The following DENND4C variants were observed in gnomAD, a reference collection of about 807,000 sequenced individuals.
DENND4C encodes DENN domain containing 4C, also known as DENN domain-containing protein 4C.
DENND4C carries 108 observed loss-of-function variants against 203.0 expected under a neutral mutation model. That is an observed-to-expected ratio of 0.53 (90% confidence interval 0.46 to 0.62). DENND4C has a LOEUF of 0.62. Ranked by LOEUF, DENND4C falls within the 20% of genes least tolerant of loss-of-function variation. The pLI is 0.00. For missense variants in DENND4C, 2,481 were observed against 2,301.2 expected, an observed-to-expected ratio of 1.08 and a Z score of -1.60; for synonymous variants, 871 against 792.4, an observed-to-expected ratio of 1.10 and a Z score of -1.67.
intron 5 of DENND4C, among the ~76,000 whole-genome samples, chr9:19,293,443 G>A (rs1262178608): frequency 2.8e-5 from 4 of 143,862 alleles, no homozygotes; most frequent in African/African-American, 7.5e-5. Context: ...GTTGGGAGAA[G>A]GGGATGGGTT....
At chr9:19,289,695 G>A (rs1387418204) in intron 4 of DENND4C, among the ~76,000 whole-genome samples, 5 of 151,932 alleles carry the variant, frequency 3.3e-5, no homozygotes, top group Non-Finnish European at 7.4e-5. Flanking sequence ...CAGGCGTGGT[G>A]GCACGCATCT....
intron 1 of DENND4C, among the ~76,000 whole-genome samples, chr9:19,243,185 T>C (rs1397955492): frequency 6.6e-6 from 1 of 152,164 alleles, no homozygotes; most frequent in Admixed American, 6.5e-5. Context: ...AACCACTAAT[T>C]TATTTTCTGA....
intron 29 of DENND4C, among the ~76,000 whole-genome samples, chr9:19,360,923 G>A (rs1459310094): frequency 6.6e-6 from 1 of 152,178 alleles, no homozygotes; most frequent in East Asian, 1.9e-4. Flanking sequence ...GCCCAGGCTG[G>A]AGTGCAATGG....
intron 10 of DENND4C, among the ~76,000 whole-genome samples, chr9:19,305,762 A>G (rs1357550037): frequency 6.6e-6 from 1 of 152,206 alleles, no homozygotes; most frequent in Non-Finnish European, 1.5e-5. Flanking sequence ...AAATGTAAGC[A>G]GGAGATATTT....
At chr9:19,255,170 A>C (rs751371421) in intron 1 of DENND4C, among the ~76,000 whole-genome samples, 1 of 151,992 alleles carries the variant, frequency 6.6e-6, no homozygotes, top group African/African-American at 2.4e-5. Context: ...CAGGAGGTGG[A>C]GGCTGGAGGG....
Position 19,280,110 on chromosome 9 carries a change from T to TTGCCTTCC in DENND4C, c.305+3645_305+3652dup, listed in dbSNP as rs1199222125. ...TATTTGAAGGGGCCGGCCTGCCTGC[T>TTGCCTTCC]TGCCTTCCTGCCTTCCTGCCTACCT... On this transcript the variant is annotated intron_variant, in intron 2 of 32. Transcript: ENST00000434457. Among the ~76,000 whole-genome samples, 293 of 141,758 alleles carry TTGCCTTCC rather than the reference T, an allele frequency of 2.1e-3. 1 individual carries two copies. The highest frequency in any genetic ancestry group is 7.1e-3 in the African/African-American group (270 of 38,036). 93.0% of individuals were successfully genotyped at this position (141,758 alleles called of 152,430 possible).
chr9:19,372,808 G>T lies in DENND4C; in HGVS notation c.*635G>T, dbSNP rs991018109. 6.8e-6 allele frequency: 1 copy of T among 146,896 alleles called. No individual in the cohort carries two copies. The highest frequency in any genetic ancestry group is 1.5e-5 in the Non-Finnish European group (1 of 67,574). The allele number at this position is 146,896 out of a possible 1,614,324, so 9.1% of individuals were successfully genotyped here. A position where few individuals can be genotyped will look rare whatever the true frequency, so the allele number is the denominator to read the frequency against. On this transcript the variant is annotated 3_prime_UTR_variant, in exon 33 of 33. Transcript: ENST00000434457. ...AACTGAGGCAGAGGCTACAGTGAGT[G>T]GAGATCACGCCACTGCAACTCCAGC...
At chr9:19,320,115 A>G in intron 12 of DENND4C, among the ~76,000 whole-genome samples, 1 of 152,216 alleles carries the variant, frequency 6.6e-6, no homozygotes, top group Non-Finnish European at 1.5e-5. Flanking sequence ...ATAAAAAAGT[A>G]AAAAATAGGG....
intron 20 of DENND4C, chr9:19,337,640 A>G (rs902962099): frequency 5.4e-6 from 7 of 1,288,222 alleles, no homozygotes; most frequent in Non-Finnish European, 7.1e-6. Context: ...ACACGTGTGC[A>G]TTAATTCTAC....
chr9:19,280,201 G>A lies in DENND4C; in HGVS notation c.305+3722G>A, dbSNP rs1484625909. ...AGAGTCTCGCTCTGTCCAGGCTGGA[G>A]TGCAGTGGTGCGATCTCGGCTCACT... On this transcript the variant is annotated intron_variant, in intron 2 of 32. Transcript: ENST00000434457. Among the ~76,000 whole-genome samples the A allele has an allele frequency of 4.6e-5, 7 of 151,438 alleles. No individual in the cohort carries two copies. In the South Asian group the frequency reaches 1.2e-3, roughly 27 times the overall value.
At position 19,346,942 on chromosome 9, in the gene DENND4C, A is replaced by G. The variant is rs1192577025; in HGVS notation, c.4173A>G (p.Val1391=). 1.2e-6 allele frequency: 2 copies of G among 1,614,050 alleles called. No homozygotes were observed. Among genetic ancestry groups the G allele is most frequent in the Non-Finnish European group, 1.7e-6 (2 of 1,180,030 alleles). The stretch of plus-strand genomic sequence containing the variant: ...CACATGGCTCGTTGGGTTCTGTAGT[A>G]AATTCTTTGTCAGGGCTAAAGCTGG... ...SSPHGSLGSV[V]NSLSGLKLDN... The change falls in exon 23 of 33, where the codon GTA becomes GTG. Residue 1391 remains valine (V), a synonymous_variant. Coordinates refer to ENST00000434457, the MANE Select transcript of DENND4C (RefSeq NM_001330640.2).
At chr9:19,297,167 T>C (rs1055769875) in intron 6 of DENND4C, among the ~76,000 whole-genome samples, 1 of 152,226 alleles carries the variant, frequency 6.6e-6, no homozygotes, top group Non-Finnish European at 1.5e-5. Flanking sequence ...TATTAAAGTA[T>C]GTGTAAGCTT....
rs1186523474 is a variant in DENND4C, at chr9:19,326,050, A to C, written c.1990-14A>C. On this transcript the variant is annotated splice_polypyrimidine_tract_variant and intron_variant, in intron 14 of 32. Coordinates refer to ENST00000434457, the MANE Select transcript of DENND4C (RefSeq NM_001330640.2). ...TTGTATGCAAATTAATTGGGGAAAAATAATGATTTTCAGGTTGATTTTGAT... is the reference window on the plus strand; with the variant it reads ...TTGTATGCAAATTAATTGGGGAAAACTAATGATTTTCAGGTTGATTTTGAT... The C allele has an allele frequency of 1.0e-5, 16 of 1,606,872 alleles. No individual in the cohort carries two copies. Among genetic ancestry groups the C allele is most frequent in the Non-Finnish European group, 1.4e-5 (16 of 1,177,870 alleles).
intron 1 of DENND4C, among the ~76,000 whole-genome samples, chr9:19,267,149 C>G (rs1830670616): frequency 6.6e-6 from 1 of 152,150 alleles, no homozygotes; most frequent in Non-Finnish European, 1.5e-5. Flanking sequence ...AGTGCAGATT[C>G]AGTCAAATGT....
At chr9:19,248,820 C>G (rs55915500) in intron 1 of DENND4C, among the ~76,000 whole-genome samples, 1 of 150,370 alleles carries the variant, frequency 6.7e-6, no homozygotes, top group South Asian at 2.1e-4. Flanking sequence ...TTTTTTGAGA[C>G]CAAGTCTTGC....
intron 1 of DENND4C, among the ~76,000 whole-genome samples, chr9:19,236,288 C>T (rs917997796): frequency 6.6e-6 from 1 of 151,990 alleles, no homozygotes; most frequent in African/African-American, 2.4e-5. Context: ...TAGAATGGAG[C>T]AAAATATGCT....
intron 1 of DENND4C, among the ~76,000 whole-genome samples, chr9:19,268,848 T>G (rs1248639111): frequency 1.3e-5 from 2 of 152,216 alleles, no homozygotes; most frequent in Non-Finnish European, 2.9e-5. Flanking sequence ...TTTCTTTTGC[T>G]GCTTTTAGAA....
intron 20 of DENND4C, 83 bp from the exon 21 acceptor site, chr9:19,340,909 C>T: frequency 8.0e-7 from 1 of 1,249,192 alleles, no homozygotes; most frequent in South Asian, 1.8e-5. Flanking sequence ...TTGTGTAGAT[C>T]AGTGGAATTT....
chr9:19,238,083 CTTT>C (rs539266824), intron 1 of DENND4C, among the ~76,000 whole-genome samples: 7 of 138,364 alleles, frequency 5.1e-5, no homozygotes, highest in Admixed American at 7.3e-5. Flanking sequence ...TTCTTTCTTT[CTTT>C]TTTTTTTTTT....
Sources: gnomAD v4.1 joint callset for allele counts (sites outside exome capture counted in the v4.1 genomes callset) on GRCh38, gnomAD v4.1.1 for gene constraint, MANE v1.5 for transcripts, NCBI Gene and HGNC (gene_info 2026-07-23, HGNC 2026-07-21) for gene names.